The following GRID2 variants were observed in gnomAD, a reference collection of about 807,000 sequenced individuals.
GRID2 encodes glutamate ionotropic receptor delta type subunit 2.
A neutral mutation model predicts 114.8 loss-of-function variants in GRID2; 33 were observed. That is an observed-to-expected ratio of 0.29 (90% confidence interval 0.22 to 0.38). The LOEUF (loss-of-function observed/expected upper bound fraction) is 0.38, where lower values mean the gene tolerates loss of function less well. Ranked by LOEUF, GRID2 falls within the 10% of genes least tolerant of loss-of-function variation. The pLI is 1.00. For synonymous variants in GRID2, 505 were observed against 449.9 expected (o/e 1.12, Z -1.55); for missense variants, 1,184 against 1,257.7 (o/e 0.94, Z 0.89).
intron 14 of GRID2, among the ~76,000 whole-genome samples, chr4:93,633,241 AATATT>A (rs1721096421): frequency 1.3e-5 from 2 of 151,890 alleles, no homozygotes; most frequent in Admixed American, 6.6e-5. Context: ...TATTTAATTT[AATATT>A]ATAACTATAA....
intron 2 of GRID2, among the ~76,000 whole-genome samples, chr4:93,062,256 A>G (rs1332757376): frequency 6.6e-6 from 1 of 152,124 alleles, no homozygotes. Flanking sequence ...TAATTTGATA[A>G]TATATTTTTA....
intron 4 of GRID2, among the ~76,000 whole-genome samples, chr4:93,173,360 C>T (rs1739034735): frequency 6.6e-6 from 1 of 151,942 alleles, no homozygotes; most frequent in Non-Finnish European, 1.5e-5. Context: ...AGCTATGAGT[C>T]TTTCATCTCT....
chr4:93,208,744 T>C (rs1021090382), intron 5 of GRID2, among the ~76,000 whole-genome samples: 3 of 151,990 alleles, frequency 2.0e-5, no homozygotes, highest in African/African-American at 7.2e-5. Flanking sequence ...TAGGTTTCTA[T>C]GAATTTTAGC....
chr4:92,826,864 G>C (rs1485511123), intron 2 of GRID2, among the ~76,000 whole-genome samples: 1 of 152,028 alleles, frequency 6.6e-6, no homozygotes, highest in Non-Finnish European at 1.5e-5. Flanking sequence ...TAATTGGTTT[G>C]ATTGATCTAA....
chr4:93,688,656 A>G (rs914307305), intron 14 of GRID2, among the ~76,000 whole-genome samples: 1 of 152,108 alleles, frequency 6.6e-6, no homozygotes, highest in Non-Finnish European at 1.5e-5. Flanking sequence ...AAAGGCAAGT[A>G]CAAAATATTT....
intron 2 of GRID2, among the ~76,000 whole-genome samples, chr4:92,619,871 T>G (rs570132879): frequency 6.6e-6 from 1 of 151,834 alleles, no homozygotes; most frequent in Admixed American, 6.6e-5. Context: ...GCTCCTTATT[T>G]GGCCATTTGC....
At chr4:92,468,914 G>A (rs1449495287) in intron 1 of GRID2, among the ~76,000 whole-genome samples, 1 of 152,112 alleles carries the variant, frequency 6.6e-6, no homozygotes, top group East Asian at 1.9e-4. Flanking sequence ...CCGAAGAGAG[G>A]TAGTTCCAGA....
At chr4:93,418,818 T>A (rs1767975610) in intron 9 of GRID2, among the ~76,000 whole-genome samples, 2 of 152,068 alleles carry the variant, frequency 1.3e-5, no homozygotes, top group African/African-American at 4.8e-5. Context: ...ATTGTGTTTT[T>A]CTCTGTCAGG....
intron 14 of GRID2, among the ~76,000 whole-genome samples, chr4:93,664,468 T>C (rs879523292): frequency 2.0e-5 from 3 of 152,130 alleles, no homozygotes; most frequent in Non-Finnish European, 4.4e-5. Flanking sequence ...AGGGCAGCAA[T>C]GTGAAGTATG....
At chr4:93,031,237 G>A (rs1724403918) in intron 2 of GRID2, among the ~76,000 whole-genome samples, 1 of 151,786 alleles carries the variant, frequency 6.6e-6, no homozygotes, top group Admixed American at 6.6e-5. Context: ...GTAGAGACTG[G>A]GTTTCACCAT....
At chr4:93,611,397 T>C (rs1247466792) in intron 13 of GRID2, among the ~76,000 whole-genome samples, 16 of 94,312 alleles carry the variant, frequency 1.7e-4, no homozygotes, top group African/African-American at 7.4e-4. Context: ...GTTCTTTTAA[T>C]TGTGATGTTA....
chr4:92,682,230 G>T (rs984162388), intron 2 of GRID2, among the ~76,000 whole-genome samples: 1 of 152,072 alleles, frequency 6.6e-6, no homozygotes, highest in Admixed American at 6.6e-5. Flanking sequence ...GCAAAATCTT[G>T]TTTAGCCAGG....
intron 1 of GRID2, among the ~76,000 whole-genome samples, chr4:92,369,471 C>T (rs1729018663): frequency 6.6e-6 from 1 of 152,188 alleles, no homozygotes; most frequent in Non-Finnish European, 1.5e-5. Flanking sequence ...ATGCTCTGGG[C>T]CAAAGGACAG....
At position 93,426,612 on chromosome 4, in the gene GRID2, G is replaced by C. The variant is rs151155148; in HGVS notation, c.1545+3644G>C. ...TCACCTATAAAAATGAGGAGTCCAA[G>C]TATGTTAATGGTAAGATCACTTCCA... On this transcript the variant is annotated intron_variant, in intron 10 of 15. Transcript: ENST00000282020. Among the ~76,000 whole-genome samples, 55 of 152,192 alleles carry C rather than the reference G, an allele frequency of 3.6e-4. 1 individual carries two copies. The East Asian group carries it at 0.01, about 28-fold the overall frequency.
chr4:93,373,307 A>G (rs1354379699), intron 8 of GRID2, among the ~76,000 whole-genome samples: 1 of 150,566 alleles, frequency 6.6e-6, no homozygotes, highest in African/African-American at 2.4e-5. Flanking sequence ...TCTGTTCTCT[A>G]AGTTTTTTTT....
chr4:92,567,523 C>T (rs34566524), intron 1 of GRID2, among the ~76,000 whole-genome samples: 32,244 of 151,830 alleles, frequency 0.21, 3,785 homozygotes, highest in South Asian at 0.29. Flanking sequence ...TAAATATTTG[C>T]GCTAATAAAT....
At chr4:93,472,912 CA>C (rs935539636) in intron 11 of GRID2, among the ~76,000 whole-genome samples, 2 of 151,946 alleles carry the variant, frequency 1.3e-5, no homozygotes, top group African/African-American at 4.8e-5. Flanking sequence ...ACTACCACAA[CA>C]AAAACAGAAG....
intron 4 of GRID2, among the ~76,000 whole-genome samples, chr4:93,204,667 A>G (rs1417967041): frequency 6.6e-6 from 1 of 152,148 alleles, no homozygotes; most frequent in African/African-American, 2.4e-5. Context: ...ATACTTTAAG[A>G]TGAAGAGCCA....
chr4:92,418,069 A>G (rs2110317463), intron 1 of GRID2, among the ~76,000 whole-genome samples: 1 of 152,258 alleles, frequency 6.6e-6, no homozygotes, highest in East Asian at 1.9e-4. Context: ...AGAAGAGACT[A>G]ATACAGTTAT....
Sources: allele counts gnomAD v4.1 joint callset (sites outside exome capture counted in the v4.1 genomes callset), GRCh38; gene constraint gnomAD v4.1.1; transcripts MANE v1.5; gene names NCBI Gene and HGNC (gene_info 2026-07-23, HGNC 2026-07-21).